The following TGDS variants were observed in gnomAD, a reference collection of about 807,000 sequenced individuals.
TGDS encodes the protein UDP-D-glucose 4,6-dehydratase.
TGDS carries 47 observed loss-of-function variants against 52.3 expected under a neutral mutation model. The observed-to-expected ratio is 0.90, with a 90% CI of 0.71 to 1.15. The LOEUF (loss-of-function observed/expected upper bound fraction) is 1.15, where lower values mean the gene tolerates loss of function less well. TGDS is among the 50% of genes most tolerant of loss of function. The probability of loss-of-function intolerance (pLI) is 0.00; values close to 1 mark genes in which losing one functional copy is unlikely to be tolerated. For missense variants in TGDS, 375 were observed against 418.4 expected (o/e 0.90, Z 0.90); for synonymous variants, 115 against 136.9 (o/e 0.84, Z 1.12).
rs771196544 is a variant in TGDS, at chr13:94,579,972, A to G, written c.556-19T>C. 1 of 1,536,154 alleles carries G rather than the reference A, an allele frequency of 6.5e-7. No homozygotes were observed. The highest frequency in any genetic ancestry group is 1.8e-5 in the Admixed American group (1 of 56,598). Reference sequence around the variant, plus strand: ...CTGGAAACTTAAAAGAATATCCAACATTAAGGCTTTTAAAAAGGTCTAATA... The same window carrying G: ...CTGGAAACTTAAAAGAATATCCAACGTTAAGGCTTTTAAAAAGGTCTAATA... On this transcript the variant is annotated intron_variant, in intron 6 of 11. Coordinates refer to ENST00000261296, the MANE Select transcript of TGDS (RefSeq NM_014305.4).
chr13:94,581,162 GT>G lies in TGDS; in HGVS notation c.483del (p.Gln161HisfsTer79). 6.3e-7 allele frequency: 1 copy of G among 1,592,620 alleles called. No individual in the cohort carries two copies. The highest frequency in any genetic ancestry group is 8.6e-7 in the Non-Finnish European group (1 of 1,168,926). On this transcript the variant is annotated frameshift_variant, in exon 6 of 12. Coordinates refer to ENST00000261296, the MANE Select transcript of TGDS (RefSeq NM_014305.4). LOFTEE classifies it high-confidence loss of function. ...TTAGATGATGCATAAGGATTTGTAG[GT>G]TGTTTGGGTGAAGATTCATCAAATT... ...DKEFDESSPK[Q>X]PTNPYASSKA...
At chr13:94,580,137 A>C (rs1888735539) in intron 6 of TGDS, among the ~76,000 whole-genome samples, 184 bp from the exon 7 acceptor site, 2 of 152,210 alleles carry the variant, frequency 1.3e-5, no homozygotes, top group African/African-American at 4.8e-5. Context: ...GATTCAGATA[A>C]AGGCAGAGGT....
intron 4 of TGDS, among the ~76,000 whole-genome samples, chr13:94,589,612 C>A (rs778268566): frequency 5.9e-5 from 9 of 151,974 alleles, no homozygotes; most frequent in Admixed American, 4.6e-4. Flanking sequence ...CCGCTCCCGG[C>A]CAAAATGGAC....
In TGDS at chr13:94,587,998, C is replaced by CA. The variant is rs71111537; in HGVS notation, c.313+2854dup. On this transcript the variant is annotated intron_variant, in intron 4 of 11. Coordinates refer to ENST00000261296, the MANE Select transcript of TGDS (RefSeq NM_014305.4). ...GGTGACAGAGCAAGACACTCCATCT[C>CA]AAAAAAAAAAAAAAAAAAAAGAGAC... Among the ~76,000 whole-genome samples the CA allele has an allele frequency of 7.1e-3, 610 of 86,276 alleles. 5 individuals are homozygous for CA. Among genetic ancestry groups the CA allele is most frequent in the African/African-American group, 0.023 (487 of 21,502 alleles). 56.6% of individuals were successfully genotyped at this position (86,276 alleles called of 152,430 possible).
At chr13:94,581,932 G>A (rs1888808425) in intron 5 of TGDS, among the ~76,000 whole-genome samples, 1 of 152,146 alleles carries the variant, frequency 6.6e-6, no homozygotes, top group Admixed American at 6.5e-5. Flanking sequence ...GGACACAGTG[G>A]CTCATACCTA....
At chr13:94,594,237 G>A (rs960959495) in intron 1 of TGDS, among the ~76,000 whole-genome samples, 1 of 152,172 alleles carries the variant, frequency 6.6e-6, no homozygotes, top group African/African-American at 2.4e-5. Context: ...CAATAAATGG[G>A]AGCTAGTCAG....
At chr13:94,577,007 A>G (rs759367234) in intron 10 of TGDS, among the ~76,000 whole-genome samples, 82 of 152,004 alleles carry the variant, frequency 5.4e-4, no homozygotes, top group Admixed American at 8.5e-4. Context: ...AGGCTGAGGC[A>G]GGAGAACTGC....
chr13:94,574,827 G>T lies in TGDS; in HGVS notation c.1008C>A (p.His336Gln). 1 of 1,597,592 alleles carries T rather than the reference G, an allele frequency of 6.3e-7. No individual in the cohort carries two copies. Among genetic ancestry groups the T allele is most frequent in the Non-Finnish European group, 8.6e-7 (1 of 1,167,572 alleles). The change falls in exon 12 of 12, where the codon CAC becomes CAA. Residue 336 changes from histidine (H) to glutamine (Q), a missense_variant. Physicochemically the swap from His to Gln is conservative, Grantham distance 24. Coordinates refer to ENST00000261296, the MANE Select transcript of TGDS (RefSeq NM_014305.4). ...ATGCCTTTTCCACATTCTTCCAGTT[G>T]TGAAAATTCTCTCTGTACCATTCAA... ...KTIEWYRENF[H>Q]NWKNVEKALE...
chr13:94,574,847 A>G lies in TGDS; in HGVS notation c.988T>C (p.Trp330Arg). Residue 330 changes from tryptophan to arginine, a missense_variant, in exon 12 of 12, where the codon TGG becomes CGG. Transcript: ENST00000261296. ...CAGTTGTGAAAATTCTCTCTGTACCATTCAACTAATAGGAAAAAACAAAAG... is the reference window on the plus strand; with the variant it reads ...CAGTTGTGAAAATTCTCTCTGTACCGTTCAACTAATAGGAAAAAACAAAAG... ...WKEGIKKTIE[W>R]YRENFHNWKN... The G allele has an allele frequency of 6.4e-7, 1 of 1,569,754 alleles. No individual in the cohort carries two copies.
At chr13:94,585,627 G>A (rs1210443637) in intron 4 of TGDS, among the ~76,000 whole-genome samples, 6 of 151,706 alleles carry the variant, frequency 4.0e-5, no homozygotes, top group East Asian at 1.9e-4. Flanking sequence ...GCAAAACCCC[G>A]TCTCTACTCA....
Position 94,574,268 on chromosome 13 carries a change from T to A in TGDS, c.*514A>T, listed in dbSNP as rs1483145879. On this transcript the variant is annotated 3_prime_UTR_variant, in exon 12 of 12. Coordinates refer to ENST00000261296, the MANE Select transcript of TGDS (RefSeq NM_014305.4). Reference sequence around the variant, plus strand: ...TTCTCTTAAAAAGCATTCAACGTAATCAATTTTACAAAATTATCAATTTAA... The same window carrying A: ...TTCTCTTAAAAAGCATTCAACGTAAACAATTTTACAAAATTATCAATTTAA... 6.6e-6 allele frequency: 1 copy of A among 152,238 alleles called. No individual in the cohort carries two copies. The highest frequency in any genetic ancestry group is 1.5e-5 in the Non-Finnish European group (1 of 68,052). The allele number at this position is 152,238 out of a possible 1,614,324, so 9.4% of individuals were successfully genotyped here. A position where few individuals can be genotyped will look rare whatever the true frequency, so the allele number is the denominator to read the frequency against.
At chr13:94,578,683 C>CT in intron 8 of TGDS, 47 bp downstream of exon 8, 1 of 1,409,544 alleles carries the variant, frequency 7.1e-7, no homozygotes, top group Non-Finnish European at 9.9e-7. Flanking sequence ...ACCAAATACT[C>CT]TAACATACCA....
intron 7 of TGDS, chr13:94,579,653 G>A (rs1466008166): frequency 2.7e-6 from 1 of 367,148 alleles, no homozygotes; most frequent in Non-Finnish European, 4.9e-6. Context: ...ATTCTCATTG[G>A]ATCTTTCAAA....
rs768562809 is a variant in TGDS, at chr13:94,578,018, T to G, written c.812A>C (p.Glu271Ala). ...ACAGATACATACCAGTTGTATTAGT[T>G]CTTTGGCAAGCTGGACAACTGACAT... ...FEMSVVQLAK[E>A]LIQLIKETNS... The change falls in exon 9 of 12, where the codon GAA (glutamate) becomes GCA (alanine). Residue 271 changes from glutamate to alanine, a missense_variant. Physicochemically the swap from Glu to Ala is moderately radical, Grantham distance 107. Transcript: ENST00000261296. 11 of 1,613,788 alleles carry G rather than the reference T, an allele frequency of 6.8e-6. No homozygotes were observed. In the South Asian group the frequency reaches 1.2e-4, roughly 18 times the overall value.
At chr13:94,581,218 G>C in intron 5 of TGDS, 29 bp from the exon 6 acceptor site, 1 of 1,378,812 alleles carries the variant, frequency 7.3e-7, no homozygotes, top group Non-Finnish European at 9.9e-7. Flanking sequence ...ATTTAAAAAA[G>C]TGTTATGCAT....
rs1206030240 is a variant in TGDS, at chr13:94,574,689, G to A, written c.*93C>T. The A allele has an allele frequency of 1.5e-6, 1 of 662,312 alleles. No individual in the cohort carries two copies. The highest frequency in any genetic ancestry group is 2.8e-5 in the East Asian group (1 of 36,306). The allele number at this position is 662,312 out of a possible 1,614,324, so 41.0% of individuals were successfully genotyped here. ...TCATGAATCTAATTCCAAAAGAAAAGAGTGCACTTCATTTGGTCACTTAAT... is the reference window on the plus strand; with the variant it reads ...TCATGAATCTAATTCCAAAAGAAAAAAGTGCACTTCATTTGGTCACTTAAT... On this transcript the variant is annotated 3_prime_UTR_variant, in exon 12 of 12. Coordinates refer to ENST00000261296, the MANE Select transcript of TGDS (RefSeq NM_014305.4).
chr13:94,576,757 T>C (rs1888616561), intron 10 of TGDS, among the ~76,000 whole-genome samples: 2 of 152,156 alleles, frequency 1.3e-5, no homozygotes, highest in South Asian at 2.1e-4. Context: ...AGGCTGTGGG[T>C]CAGGTATTTC....
intron 4 of TGDS, among the ~76,000 whole-genome samples, chr13:94,586,585 C>A (rs1888991519): frequency 6.6e-6 from 1 of 152,066 alleles, no homozygotes; most frequent in African/African-American, 2.4e-5. Flanking sequence ...TGACCATATA[C>A]TGAACCAAAA....
chr13:94,586,892 G>A (rs1447803438), intron 4 of TGDS, among the ~76,000 whole-genome samples: 3 of 151,536 alleles, frequency 2.0e-5, no homozygotes, highest in South Asian at 4.2e-4. Flanking sequence ...CCAAGTAGCT[G>A]GGACTACAGG....
Sources: gnomAD v4.1 joint callset for allele counts (sites outside exome capture counted in the v4.1 genomes callset) on GRCh38, gnomAD v4.1.1 for gene constraint, MANE v1.5 for transcripts, NCBI Gene and HGNC (gene_info 2026-07-23, HGNC 2026-07-21) for gene names.